USH2A: variants seen among roughly 807,000 people sequenced by gnomAD.
The protein encoded by USH2A is Usher syndrome 2A (autosomal recessive, mild).
A neutral mutation model predicts 538.9 loss-of-function variants in USH2A; 443 were observed. That is an observed-to-expected ratio of 0.82 (90% CI 0.76 to 0.89). USH2A has a LOEUF of 0.89. Ranked by LOEUF, USH2A falls within the 40% of genes least tolerant of loss-of-function variation. USH2A has a pLI of 0.00. For missense variants in USH2A, 6,633 were observed against 6,324.8 expected (o/e 1.05, Z -1.65); for synonymous variants, 2,413 against 2,273.5 (o/e 1.06, Z -1.75).
At chr1:215,917,761 T>C (rs373514362) in intron 38 of USH2A, among the ~76,000 whole-genome samples, 13 of 102,984 alleles carry the variant, frequency 1.3e-4, no homozygotes, top group Admixed American at 8.5e-4. Context: ...CTGAGTAACA[T>C]AGTGAAACCC....
rs543866243 is a variant in USH2A at position 216,413,763 on chromosome 1, A to G, written c.651+4751T>C. On this transcript the variant is annotated intron_variant, in intron 3 of 71. Coordinates refer to ENST00000307340, the MANE Select transcript of USH2A (RefSeq NM_206933.4). ...AGCATAGAAAATGTGAACAAGCCCA[A>G]TGCTAAATCATTTCTTGGTTCCACA... Among the ~76,000 whole-genome samples, 68 of 152,216 alleles carry G rather than the reference A, an allele frequency of 4.5e-4. 1 individual carries two copies. The highest frequency in any genetic ancestry group is 3.1e-3 in the South Asian group (15 of 4,830).
Position 216,084,729 on chromosome 1 carries a change from T to C in USH2A, c.5136A>G (p.Ser1712=), listed in dbSNP as rs143950713. The C allele has an allele frequency of 6.2e-7, 1 of 1,613,286 alleles. No homozygotes were observed. The highest frequency in any genetic ancestry group is 1.3e-5 in the African/African-American group (1 of 74,888). ...VYNSWEGCPA[S]LNEGAQFLGA... ...CTAGGAACTGAGCTCCCTCATTTAA[T>C]GAAGCGGGACATCCCTCCCAGCTGT... Residue 1712 remains serine, a synonymous_variant, in exon 25 of 72, where the codon TCA becomes TCG. Transcript: ENST00000307340.
chr1:215,883,185 A>C (rs1178096822), intron 41 of USH2A, among the ~76,000 whole-genome samples: 1 of 152,106 alleles, frequency 6.6e-6, no homozygotes, highest in Non-Finnish European at 1.5e-5. Flanking sequence ...TTTAATGGTA[A>C]AAACCGTAAT....
rs755752768 is a variant in USH2A, at chr1:216,246,785, C to A, written c.2609G>T (p.Cys870Phe). 5.6e-6 allele frequency: 9 copies of A among 1,614,130 alleles called. No homozygotes were observed. The East Asian group carries it at 2.0e-4, about 36-fold the overall frequency. Residue 870 changes from cysteine (C) to phenylalanine (F), a missense_variant, in exon 13 of 72, where the codon TGC (cysteine) becomes TTC (phenylalanine). By Grantham distance (205) the Cys-to-Phe change is radical (BLOSUM62 -2). Transcript: ENST00000307340. ...LCNKSTGQCP[C>F]KLGVTGLRCN... ...GCGAAGACCTGTTACCCCTAATTTG[C>A]AAGGACATTGTCCTGTTGATTTGTT...
intron 41 of USH2A, among the ~76,000 whole-genome samples, chr1:215,879,524 A>C (rs10746459): frequency 0.64 from 97,135 of 152,086 alleles, 32,106 homozygotes; most frequent in African/African-American, 0.8. Context: ...TGTTAGTGTG[A>C]CTGCCAAATA....
At chr1:216,323,251 T>C (rs1344243994) in intron 8 of USH2A, among the ~76,000 whole-genome samples, 1 of 143,634 alleles carries the variant, frequency 7.0e-6, no homozygotes, top group Non-Finnish European at 1.5e-5. Context: ...TATAAATATA[T>C]ATATATTTAT....
At chr1:216,207,835 G>A (rs983541944) in intron 15 of USH2A, among the ~76,000 whole-genome samples, 1 of 151,392 alleles carries the variant, frequency 6.6e-6, no homozygotes, top group African/African-American at 2.4e-5. Flanking sequence ...TAATCTTTGG[G>A]TTTTTGAGAG....
chr1:216,205,150 C>T (rs145657616), intron 16 of USH2A, among the ~76,000 whole-genome samples: 124 of 152,222 alleles, frequency 8.1e-4, no homozygotes, highest in African/African-American at 2.8e-3. Context: ...TTTGCTATTG[C>T]ATTAAGCTGT....
At chr1:216,190,418 G>C (rs1337936569) in intron 19 of USH2A, 51 bp from the exon 20 acceptor site, 1 of 1,592,096 alleles carries the variant, frequency 6.3e-7, no homozygotes, top group South Asian at 1.1e-5. Flanking sequence ...TAGGTAATCA[G>C]TGTGAAAATA....
At chr1:216,038,367 A>G (rs1051668342) in intron 32 of USH2A, among the ~76,000 whole-genome samples, 3 of 151,976 alleles carry the variant, frequency 2.0e-5, no homozygotes, top group African/African-American at 7.2e-5. Context: ...TAACTTTCTT[A>G]CCACCTCAAA....
intron 54 of USH2A, among the ~76,000 whole-genome samples, chr1:215,780,769 A>C (rs901440200): frequency 1.8e-4 from 28 of 152,368 alleles, no homozygotes; most frequent in African/African-American, 6.5e-4. Context: ...TGACTGGGCC[A>C]ATCAGCTGCC....
At position 216,120,804 on chromosome 1, in the gene USH2A, T is replaced by C. The variant is rs763009108; in HGVS notation, c.4628-23591A>G. Reference sequence around the variant, plus strand: ...AGGTGGAGATTGCAGTGAGCCGAGATGGCGCCACTGCACTGCAGTCTGGGC... The same window carrying C: ...AGGTGGAGATTGCAGTGAGCCGAGACGGCGCCACTGCACTGCAGTCTGGGC... On this transcript the variant is annotated intron_variant, in intron 21 of 71. Coordinates refer to ENST00000307340, the MANE Select transcript of USH2A (RefSeq NM_206933.4). Among the ~76,000 whole-genome samples the C allele has an allele frequency of 1.4e-3, 217 of 152,036 alleles. 1 individual carries two copies. Among genetic ancestry groups the C allele is most frequent in the African/African-American group, 2.1e-3 (89 of 41,514 alleles).
intron 61 of USH2A, among the ~76,000 whole-genome samples, chr1:215,690,559 T>C (rs1229643612): frequency 2.0e-5 from 3 of 152,114 alleles, no homozygotes; most frequent in Non-Finnish European, 4.4e-5. Flanking sequence ...CTGTCTCTAA[T>C]GAACAATAAT....
intron 22 of USH2A, among the ~76,000 whole-genome samples, chr1:216,091,889 AAAAC>A (rs1357095620): frequency 6.6e-6 from 1 of 152,146 alleles, no homozygotes; most frequent in Non-Finnish European, 1.5e-5. Context: ...AATTATCTGA[AAAAC>A]AGACAAATTT....
chr1:216,054,488 G>A lies in USH2A; in HGVS notation c.6050-5841C>T, dbSNP rs1035620666. Among the ~76,000 whole-genome samples the A allele has an allele frequency of 2.6e-5, 4 of 152,112 alleles. No individual in the cohort carries two copies. In the South Asian group the frequency reaches 6.2e-4, roughly 24 times the overall value. ...AAACAACAGAGGAGTCTGCTTTCAC[G>A]TTGAAATTTTATGATTAACTCCTCT... On this transcript the variant is annotated intron_variant, in intron 30 of 71. Coordinates refer to ENST00000307340, the MANE Select transcript of USH2A (RefSeq NM_206933.4).
intron 43 of USH2A, among the ~76,000 whole-genome samples, chr1:215,868,146 G>C (rs1664529972): frequency 6.6e-6 from 1 of 152,150 alleles, no homozygotes; most frequent in African/African-American, 2.4e-5. Flanking sequence ...CTCATCTCCA[G>C]TGTAAGGCCC....
At chr1:215,772,551 A>G (rs11120623) in intron 55 of USH2A, among the ~76,000 whole-genome samples, 31,667 of 152,142 alleles carry the variant, frequency 0.21, 5,082 homozygotes, top group African/African-American at 0.45. Context: ...TGAAGAGTAA[A>G]TGTGTGCTAA....
intron 35 of USH2A, 46 bp downstream of exon 35, chr1:215,992,974 C>T (rs984711088): frequency 1.5e-5 from 24 of 1,613,148 alleles, no homozygotes; most frequent in Non-Finnish European, 1.9e-5. Context: ...ATTAATTTAC[C>T]TTTGCTAATC....
At chr1:216,004,831 C>T (rs1439555230) in intron 32 of USH2A, among the ~76,000 whole-genome samples, 3 of 152,030 alleles carry the variant, frequency 2.0e-5, no homozygotes, top group African/African-American at 7.2e-5. Context: ...GAATCTAGTT[C>T]AAAAGTGAAA....
Sources: allele counts gnomAD v4.1 joint callset (sites outside exome capture counted in the v4.1 genomes callset), GRCh38; gene constraint gnomAD v4.1.1; transcripts MANE v1.5; gene names NCBI Gene and HGNC (gene_info 2026-07-23, HGNC 2026-07-21).